CPNE4: variants seen among roughly 807,000 people sequenced by gnomAD.
CPNE4 encodes copine 4, also known as copine-4.
A neutral mutation model predicts 67.9 loss-of-function variants in CPNE4; 25 were observed. The observed-to-expected ratio is 0.37, with a 90% CI of 0.27 to 0.51. The LOEUF is 0.51. CPNE4 is among the 20% of genes least tolerant of loss of function. The pLI is 0.93. For missense variants in CPNE4, 464 were observed against 690.8 expected (o/e 0.67, Z 3.68); for synonymous variants, 242 against 244.9 (o/e 0.99, Z 0.11).
chr3:131,942,463 TGAGAGA>T (rs59277847), intron 1 of CPNE4, among the ~76,000 whole-genome samples: 2,538 of 69,752 alleles, frequency 0.036, 26 homozygotes, highest in Admixed American at 0.052. Flanking sequence ...TGTGTGTGTG[TGAGAGA>T]GAGAGAGAGA....
intron 2 of CPNE4, among the ~76,000 whole-genome samples, chr3:131,832,421 A>G (rs891305474): frequency 6.6e-6 from 1 of 152,170 alleles, no homozygotes; most frequent in African/African-American, 2.4e-5. Context: ...CAAGGACTAG[A>G]CAGAGTCTCT....
At chr3:131,946,436 ATTTGGGCTTTT>A (rs2071554380) in intron 1 of CPNE4, among the ~76,000 whole-genome samples, 1 of 152,174 alleles carries the variant, frequency 6.6e-6, no homozygotes, top group Non-Finnish European at 1.5e-5. Flanking sequence ...GTTGATGGAC[ATTTGGGCTTTT>A]TCCACCTTTT....
At chr3:131,597,402 T>C (rs1938946138) in intron 7 of CPNE4, among the ~76,000 whole-genome samples, 1 of 152,136 alleles carries the variant, frequency 6.6e-6, no homozygotes, top group Admixed American at 6.5e-5. Flanking sequence ...ATAGCATGTG[T>C]ATACCTATGT....
At chr3:131,722,450 C>CG (rs397760356) in intron 3 of CPNE4, among the ~76,000 whole-genome samples, 3 of 151,606 alleles carry the variant, frequency 2.0e-5, no homozygotes, top group African/African-American at 7.3e-5. Context: ...CATACCCCCC[C>CG]ACGTTTGTTC....
intron 1 of CPNE4, among the ~76,000 whole-genome samples, chr3:131,916,184 G>C (rs762484693): frequency 3.3e-5 from 5 of 151,986 alleles, no homozygotes; most frequent in Admixed American, 3.3e-4. Context: ...ATTTACTCTT[G>C]TTTCTCAGGC....
chr3:132,022,282 T>C (rs1449315733), intron 1 of CPNE4, among the ~76,000 whole-genome samples: 2 of 152,252 alleles, frequency 1.3e-5, no homozygotes, highest in Non-Finnish European at 2.9e-5. Flanking sequence ...CCTAGCAATC[T>C]GTGAAACCAA....
intron 3 of CPNE4, among the ~76,000 whole-genome samples, chr3:131,717,613 C>T (rs1009606842): frequency 2.6e-5 from 4 of 152,202 alleles, no homozygotes; most frequent in African/African-American, 7.2e-5. Flanking sequence ...ACAGCCAAAT[C>T]GCTCCCCCAG....
At chr3:131,657,719 T>A (rs1183258608) in intron 7 of CPNE4, among the ~76,000 whole-genome samples, 2 of 149,792 alleles carry the variant, frequency 1.3e-5, no homozygotes, top group African/African-American at 4.9e-5. Context: ...TGTGTGTGTG[T>A]GTGTGTGTGT....
chr3:131,974,885 G>C (rs2072605217), intron 1 of CPNE4, among the ~76,000 whole-genome samples: 1 of 152,128 alleles, frequency 6.6e-6, no homozygotes. Flanking sequence ...GTGCACACCT[G>C]TAGTCCCAGC....
Position 131,723,445 on chromosome 3 carries a change from C to T in CPNE4, c.360+1G>A, listed in dbSNP as rs769424219. On this transcript the variant is annotated splice_donor_variant, in intron 3 of 15. Coordinates refer to ENST00000429747, the MANE Select transcript of CPNE4 (RefSeq NM_130808.3). LOFTEE classifies it high-confidence loss of function. ...GGAGGAAGGGATGTCTGTTGACCCA[C>T]CTGGCCAAGTGTGCACTCCATGCCA... 1.2e-6 allele frequency: 2 copies of T among 1,612,004 alleles called. No homozygotes were observed. Among genetic ancestry groups the T allele is most frequent in the East Asian group, 2.2e-5 (1 of 44,882 alleles).
intron 7 of CPNE4, among the ~76,000 whole-genome samples, chr3:131,627,085 C>T (rs1226937322): frequency 6.7e-6 from 1 of 149,534 alleles, no homozygotes; most frequent in Non-Finnish European, 1.5e-5. Context: ...CCCAGCTACT[C>T]AGGAGACTGA....
chr3:132,033,413 G>C (rs1057126496), intron 1 of CPNE4, among the ~76,000 whole-genome samples: 11 of 151,900 alleles, frequency 7.2e-5, no homozygotes, highest in Admixed American at 3.9e-4. Context: ...GTCTGTGTGT[G>C]TGTGTGTGTG....
At chr3:131,561,306 G>C (rs1320182158) in intron 11 of CPNE4, among the ~76,000 whole-genome samples, 4 of 151,940 alleles carry the variant, frequency 2.6e-5, no homozygotes, top group Non-Finnish European at 4.4e-5. Flanking sequence ...ACAGGAGCTG[G>C]AGAAGTGCTA....
chr3:131,575,202 G>T (rs878946286), intron 9 of CPNE4, 72 bp from the exon 10 acceptor site: 1 of 1,314,240 alleles, frequency 7.6e-7, no homozygotes, highest in Non-Finnish European at 1.1e-6. Flanking sequence ...GAGGCCTAAA[G>T]GTTGGTGACT....
chr3:131,578,608 CAAGTTGTGAATGCA>C (rs1937613289), intron 9 of CPNE4, among the ~76,000 whole-genome samples: 1 of 152,118 alleles, frequency 6.6e-6, no homozygotes, highest in African/African-American at 2.4e-5. Context: ...ACCAAACAGC[CAAGTTGTGAATGCA>C]AAGTAAAAGT....
At chr3:131,601,004 C>G (rs1939172828) in intron 7 of CPNE4, among the ~76,000 whole-genome samples, 1 of 152,134 alleles carries the variant, frequency 6.6e-6, no homozygotes, top group Non-Finnish European at 1.5e-5. Context: ...TTTCCAAAAT[C>G]AGAGAATTGG....
At chr3:131,815,584 A>G (rs143051478) in intron 2 of CPNE4, among the ~76,000 whole-genome samples, 29 of 152,320 alleles carry the variant, frequency 1.9e-4, no homozygotes, top group African/African-American at 7.0e-4. Context: ...GCCTATATAT[A>G]TATGTAAGTA....
At chr3:131,806,848 GA>G (rs573747534) in intron 2 of CPNE4, among the ~76,000 whole-genome samples, 1 of 152,184 alleles carries the variant, frequency 6.6e-6, no homozygotes, top group African/African-American at 2.4e-5. Flanking sequence ...GATTTGTTTC[GA>G]AAAACCTAAC....
chr3:131,937,647 T>G (rs1255267804), intron 1 of CPNE4, among the ~76,000 whole-genome samples: 1 of 152,176 alleles, frequency 6.6e-6, no homozygotes, highest in African/African-American at 2.4e-5. Flanking sequence ...AACACTCTAA[T>G]GCTGATATGT....
Sources: gnomAD v4.1 joint callset for allele counts (sites outside exome capture counted in the v4.1 genomes callset) on GRCh38, gnomAD v4.1.1 for gene constraint, MANE v1.5 for transcripts, NCBI Gene and HGNC (gene_info 2026-07-23, HGNC 2026-07-21) for gene names.